The following HCN1 variants were observed in gnomAD, a reference collection of about 807,000 sequenced individuals.
HCN1 encodes hyperpolarization activated cyclic nucleotide gated potassium channel 1, also known as potassium/sodium hyperpolarization-activated cyclic nucleotide-gated channel 1.
In HCN1, 13 loss-of-function variants were observed where a neutral mutation model predicts 78.9. The ratio of observed to expected loss-of-function variants is 0.16; its 90% confidence interval spans 0.11 to 0.26. HCN1 has a LOEUF of 0.26. Among genes scored for constraint, HCN1 ranks in the 10% least tolerant of loss-of-function variants. The pLI is 1.00. For missense variants in HCN1, 810 were observed against 1,154.3 expected (o/e 0.70, Z 4.32); for synonymous variants, 552 against 455.5 (o/e 1.21, Z -2.70).
At chr5:45,599,047 G>T (rs570473438) in intron 2 of HCN1, among the ~76,000 whole-genome samples, 1 of 152,018 alleles carries the variant, frequency 6.6e-6, no homozygotes, top group Middle Eastern at 3.2e-3. Context: ...CATTTGACCC[G>T]GTGATCCCTT....
At chr5:45,358,604 C>T (rs1196495561) in intron 4 of HCN1, among the ~76,000 whole-genome samples, 1 of 152,034 alleles carries the variant, frequency 6.6e-6, no homozygotes, top group Non-Finnish European at 1.5e-5. Context: ...CAGACAGAGA[C>T]ATCTTTTTAA....
At position 45,685,485 on chromosome 5, in the gene HCN1, G is replaced by A. The variant is rs576080297; in HGVS notation, c.425+10184C>T. On this transcript the variant is annotated intron_variant, in intron 1 of 7. Coordinates refer to ENST00000303230, the MANE Select transcript of HCN1 (RefSeq NM_021072.4). ...CGTCAGCACTTTAGGAGGCCGAGCC[G>A]GGCGGATCACCCAAGGTCAGGAATT... is the stretch of plus-strand genomic sequence containing the variant. Among the ~76,000 whole-genome samples the A allele has an allele frequency of 1.2e-3, 185 of 152,260 alleles. 1 individual carries two copies. The highest frequency in any genetic ancestry group is 4.3e-3 in the African/African-American group (178 of 41,564).
At chr5:45,442,373 T>A (rs1668788912) in intron 3 of HCN1, among the ~76,000 whole-genome samples, 1 of 152,098 alleles carries the variant, frequency 6.6e-6, no homozygotes, top group East Asian at 1.9e-4. Context: ...CATAAGAACA[T>A]ACGAAATTAT....
intron 2 of HCN1, among the ~76,000 whole-genome samples, chr5:45,485,754 A>T (rs1336943971): frequency 6.6e-6 from 1 of 152,198 alleles, no homozygotes; most frequent in Non-Finnish European, 1.5e-5. Flanking sequence ...CAAGGGTTCA[A>T]AACCAAGTAT....
At chr5:45,461,310 T>C (rs1216234331) in intron 3 of HCN1, among the ~76,000 whole-genome samples, 2 of 152,084 alleles carry the variant, frequency 1.3e-5, no homozygotes, top group African/African-American at 4.8e-5. Flanking sequence ...TACATAACTT[T>C]CAGAGGTAAA....
intron 4 of HCN1, among the ~76,000 whole-genome samples, chr5:45,384,920 A>T (rs1016540440): frequency 6.6e-6 from 1 of 152,208 alleles, no homozygotes; most frequent in African/African-American, 2.4e-5. Context: ...GAATTAATTG[A>T]GATTAAAATC....
chr5:45,456,770 G>C (rs1323489554), intron 3 of HCN1, among the ~76,000 whole-genome samples: 1 of 151,962 alleles, frequency 6.6e-6, no homozygotes, highest in Non-Finnish European at 1.5e-5. Context: ...ATTTTATACA[G>C]TATTCTACAA....
intron 4 of HCN1, among the ~76,000 whole-genome samples, chr5:45,392,312 G>A (rs935436933): frequency 6.6e-6 from 1 of 151,976 alleles, no homozygotes; most frequent in African/African-American, 2.4e-5. Context: ...TTCTGATTAT[G>A]GGCCTTCATT....
intron 3 of HCN1, among the ~76,000 whole-genome samples, chr5:45,424,977 C>A (rs4613721): frequency 0.069 from 10,461 of 152,172 alleles, 449 homozygotes; most frequent in East Asian, 0.14. Context: ...TTATCAATCT[C>A]ATTAACGGTC....
At chr5:45,516,966 G>A (rs16902157) in intron 2 of HCN1, among the ~76,000 whole-genome samples, 261 of 152,056 alleles carry the variant, frequency 1.7e-3, no homozygotes, top group African/African-American at 5.6e-3. Context: ...ATATTCAGGA[G>A]CAGAAGTCTG....
chr5:45,680,354 T>C (rs535939198), intron 1 of HCN1, among the ~76,000 whole-genome samples: 277 of 151,870 alleles, frequency 1.8e-3, no homozygotes, highest in Non-Finnish European at 3.1e-3. Flanking sequence ...AAAAAAGTAT[T>C]GATTATTTAT....
In HCN1 at chr5:45,477,541, G is replaced by T. The variant is rs556511986; in HGVS notation, c.850-15534C>A. Among the ~76,000 whole-genome samples, 183 of 152,174 alleles carry T rather than the reference G, an allele frequency of 1.2e-3. 1 individual carries two copies. The highest frequency in any genetic ancestry group is 4.3e-3 in the African/African-American group (178 of 41,524). ...CAGGTCCGGAAACCTGGTAATATGTGTTTGTAAAGATAACATAGACAATAA... is the reference window on the plus strand; with the variant it reads ...CAGGTCCGGAAACCTGGTAATATGTTTTTGTAAAGATAACATAGACAATAA... On this transcript the variant is annotated intron_variant, in intron 2 of 7. Transcript: ENST00000303230.
intron 4 of HCN1, among the ~76,000 whole-genome samples, chr5:45,375,368 CAATATATATAATATA>C (rs1561131392): frequency 4.0e-5 from 4 of 98,850 alleles, no homozygotes; most frequent in East Asian, 3.3e-4. Flanking sequence ...TTATGATATA[CAATATATATAATATA>C]ATATTTTATG....
At chr5:45,347,099 T>G (rs1267893540) in intron 5 of HCN1, among the ~76,000 whole-genome samples, 2 of 152,208 alleles carry the variant, frequency 1.3e-5, no homozygotes, top group Non-Finnish European at 2.9e-5. Flanking sequence ...CCGAACAGCC[T>G]AACTGGGAGG....
chr5:45,324,009 C>T (rs1255800678), intron 5 of HCN1, among the ~76,000 whole-genome samples: 16 of 151,894 alleles, frequency 1.1e-4, no homozygotes, highest in Admixed American at 1.3e-4. Flanking sequence ...TGAATAGTGC[C>T]GCAATAAACA....
At chr5:45,562,908 C>T (rs1743634205) in intron 2 of HCN1, among the ~76,000 whole-genome samples, 1 of 152,112 alleles carries the variant, frequency 6.6e-6, no homozygotes, top group African/African-American at 2.4e-5. Flanking sequence ...AAGCAAAATA[C>T]ATAGGATATG....
rs1026199862 is a variant in HCN1, at chr5:45,256,869, C to T, written c.*5052G>A. 1 of 152,530 alleles carries T rather than the reference C, an allele frequency of 6.6e-6. No individual in the cohort carries two copies. The highest frequency in any genetic ancestry group is 1.5e-5 in the Non-Finnish European group (1 of 68,298). 9.4% of individuals were successfully genotyped at this position (152,530 alleles called of 1,614,324 possible). The stretch of plus-strand genomic sequence containing the variant: ...GGATTACAGGCATGAGCCACCACGC[C>T]TGGCCTGAGAACTTGCTTTATTTTA... On this transcript the variant is annotated 3_prime_UTR_variant, in exon 8 of 8. Coordinates refer to ENST00000303230, the MANE Select transcript of HCN1 (RefSeq NM_021072.4).
At chr5:45,460,203 G>T (rs1342466943) in intron 3 of HCN1, among the ~76,000 whole-genome samples, 1 of 152,060 alleles carries the variant, frequency 6.6e-6, no homozygotes, top group Non-Finnish European at 1.5e-5. Context: ...TCTAATAAAG[G>T]TGTTTAGGTC....
intron 2 of HCN1, among the ~76,000 whole-genome samples, chr5:45,601,530 T>A (rs915459154): frequency 6.6e-6 from 1 of 152,148 alleles, no homozygotes; most frequent in African/African-American, 2.4e-5. Context: ...ATGTATAAAC[T>A]TTAAATAAAT....
Sources: gnomAD v4.1 joint callset for allele counts (sites outside exome capture counted in the v4.1 genomes callset) on GRCh38, gnomAD v4.1.1 for gene constraint, MANE v1.5 for transcripts, NCBI Gene and HGNC (gene_info 2026-07-23, HGNC 2026-07-21) for gene names.